PRRC2C: variants seen among roughly 807,000 people sequenced by gnomAD.
PRRC2C encodes the protein proline rich coiled-coil 2C.
Under a neutral mutation model 317.2 loss-of-function variants are expected in PRRC2C, and 72 were observed. The observed-to-expected ratio is 0.23, with a 90% CI of 0.19 to 0.28. The LOEUF (loss-of-function observed/expected upper bound fraction) is 0.28, where lower values mean the gene tolerates loss of function less well. Ranked by LOEUF, PRRC2C falls within the 10% of genes least tolerant of loss-of-function variation. The probability of loss-of-function intolerance (pLI) is 1.00; values close to 1 mark genes in which losing one functional copy is unlikely to be tolerated. For missense variants in PRRC2C, 3,074 were observed against 3,459.7 expected (o/e 0.89, Z 2.80); for synonymous variants, 1,296 against 1,205.9 (o/e 1.07, Z -1.55).
intron 28 of PRRC2C, among the ~76,000 whole-genome samples, chr1:171,582,252 A>C (rs1490277860): frequency 6.6e-6 from 1 of 152,226 alleles, no homozygotes; most frequent in East Asian, 1.9e-4. Context: ...AAAGAGAATT[A>C]TTCTCACTGT....
At chr1:171,565,846 A>G (rs1020409378) in intron 20 of PRRC2C, among the ~76,000 whole-genome samples, 1 of 152,226 alleles carries the variant, frequency 6.6e-6, no homozygotes, top group African/African-American at 2.4e-5. Flanking sequence ...TTTTCAAAGC[A>G]GACTTCTGAG....
chr1:171,544,691 A>G (rs1173051381), intron 16 of PRRC2C, among the ~76,000 whole-genome samples: 2 of 152,230 alleles, frequency 1.3e-5, no homozygotes, highest in Non-Finnish European at 2.9e-5. Flanking sequence ...ACATAGATAG[A>G]TAACAACAAC....
intron 9 of PRRC2C, 35 bp from the exon 10 acceptor site, chr1:171,524,786 G>T (rs1188889946): frequency 2.6e-6 from 4 of 1,512,308 alleles, no homozygotes; most frequent in Non-Finnish European, 1.8e-6. Flanking sequence ...GATACAGTTG[G>T]TCCACTTTAT....
At chr1:171,528,380 C>T (rs190513442) in intron 11 of PRRC2C, among the ~76,000 whole-genome samples, 3 of 151,772 alleles carry the variant, frequency 2.0e-5, no homozygotes, top group Admixed American at 6.6e-5. Flanking sequence ...CCTCTGCCTC[C>T]TGGGTTCACA....
At position 171,535,507 on chromosome 1, in the gene PRRC2C, A is replaced by G; in HGVS notation, c.1953A>G (p.Pro651=). ...CACCAGTGGTGCATGAAACAGAACCAGAATCAGGGTCTCAACCTCGGCCGG... is the reference window on the plus strand; with the variant it reads ...CACCAGTGGTGCATGAAACAGAACCGGAATCAGGGTCTCAACCTCGGCCGG... ...EATPVVHETE[P]ESGSQPRPAV... is the part of the protein sequence containing the mutation. The change falls in exon 13 of 35, where the codon CCA becomes CCG. Residue 651 remains proline, a synonymous_variant. Coordinates refer to ENST00000647382, the MANE Select transcript of PRRC2C (RefSeq NM_001387844.1). 6.2e-7 allele frequency: 1 copy of G among 1,614,034 alleles called. No individual in the cohort carries two copies. Among genetic ancestry groups the G allele is most frequent in the Non-Finnish European group, 8.5e-7 (1 of 1,179,878 alleles).
At chr1:171,586,545 ATTTTATTTTATTTT>A (rs1650046880) in intron 30 of PRRC2C, among the ~76,000 whole-genome samples, 1 of 52,188 alleles carries the variant, frequency 1.9e-5, no homozygotes, top group South Asian at 6.1e-4. Flanking sequence ...TGTTCTATGT[ATTTTATTTTATTTT>A]ATTTTATTTT....
intron 34 of PRRC2C, among the ~76,000 whole-genome samples, chr1:171,590,404 T>C (rs907833479): frequency 2.0e-5 from 3 of 152,234 alleles, no homozygotes; most frequent in Non-Finnish European, 4.4e-5. Flanking sequence ...ATATTTACTT[T>C]AGGCTTGACT....
rs751063325 is a variant in PRRC2C at position 171,517,799 on chromosome 1, TATG to T, written c.739_741del (p.Met247del). 92 of 1,612,820 alleles carry T rather than the reference TATG, an allele frequency of 5.7e-5. No individual in the cohort carries two copies. The highest frequency in any genetic ancestry group is 7.5e-5 in the Non-Finnish European group (89 of 1,179,702). On this transcript the variant is annotated inframe_deletion, in exon 6 of 35. Transcript: ENST00000647382. ...CTGCTCTCGCTTCCCAGTATAGAGC[TATG>T]ATGCCTCCTTATGTGAGTATTGTTA...
intron 25 of PRRC2C, among the ~76,000 whole-genome samples, chr1:171,576,045 C>T (rs150265981): frequency 0.011 from 1,642 of 152,224 alleles, 34 homozygotes; most frequent in African/African-American, 0.032. Context: ...CACAAACTCC[C>T]GAGATTCTAC....
intron 26 of PRRC2C, 72 bp downstream of exon 26, chr1:171,577,709 T>TTA: frequency 7.4e-7 from 1 of 1,359,516 alleles, no homozygotes; most frequent in South Asian, 1.2e-5. Flanking sequence ...TTTTGTCTCT[T>TTA]CTTACCCTTT....
Position 171,575,010 on chromosome 1 carries a change from T to A in PRRC2C, c.6837T>A (p.Ile2279=), listed in dbSNP as rs1685451396. The change falls in exon 25 of 35, where the codon ATT becomes ATA. Residue 2279 remains isoleucine, a synonymous_variant. Transcript: ENST00000647382. The stretch of plus-strand genomic sequence containing the variant: ...CAGTAACTTCCACAGCACCTCCAAT[T>A]GCAACTGGAGTCAGCAGTAGTGCCA... ...GSPVTSTAPP[I]ATGVSSSASG... is the part of the protein sequence containing the mutation. 1.2e-6 allele frequency: 2 copies of A among 1,613,756 alleles called. No homozygotes were observed. Among genetic ancestry groups the A allele is most frequent in the Non-Finnish European group, 1.7e-6 (2 of 1,179,854 alleles).
chr1:171,512,049 G>T lies in PRRC2C; in HGVS notation c.-40G>T. Reference sequence around the variant, plus strand: ...ATCTTAAGGACTGGGGTTTTAAGGGGTGTGGCAGGAGGTTTTGGACTCGAT... The same window carrying T: ...ATCTTAAGGACTGGGGTTTTAAGGGTTGTGGCAGGAGGTTTTGGACTCGAT... On this transcript the variant is annotated 5_prime_UTR_variant, in exon 2 of 35. Coordinates refer to ENST00000647382, the MANE Select transcript of PRRC2C (RefSeq NM_001387844.1). The T allele has an allele frequency of 8.4e-7, 1 of 1,187,610 alleles. No homozygotes were observed. Among genetic ancestry groups the T allele is most frequent in the Non-Finnish European group, 1.2e-6 (1 of 829,570 alleles). The allele number at this position is 1,187,610 out of a possible 1,614,324, so 73.6% of individuals were successfully genotyped here.
intron 18 of PRRC2C, among the ~76,000 whole-genome samples, chr1:171,552,362 G>T (rs576168128): frequency 1.1e-4 from 16 of 152,270 alleles, no homozygotes; most frequent in Middle Eastern, 3.4e-3. Context: ...GAGATTTTGG[G>T]CTGAGACGAT....
Position 171,487,172 on chromosome 1 carries a change from AT to A in PRRC2C, c.-58+1447del, listed in dbSNP as rs547600689. Among the ~76,000 whole-genome samples the A allele has an allele frequency of 4.6e-3, 686 of 148,216 alleles. 1 individual carries two copies. The highest frequency in any genetic ancestry group is 8.7e-3 in the African/African-American group (350 of 40,406). On this transcript the variant is annotated intron_variant, in intron 1 of 34. Coordinates refer to ENST00000647382, the MANE Select transcript of PRRC2C (RefSeq NM_001387844.1). Reference sequence around the variant, plus strand: ...GCACAGTAATAAGTCCTTTTCATACATTTTTTTTTTAATCTCCACAACAGAC... The same window carrying A: ...GCACAGTAATAAGTCCTTTTCATACATTTTTTTTTAATCTCCACAACAGAC...
At chr1:171,525,027 A>G (rs1674312682) in intron 10 of PRRC2C, 62 bp downstream of exon 10, 1 of 1,316,644 alleles carries the variant, frequency 7.6e-7, no homozygotes, top group South Asian at 1.6e-5. Flanking sequence ...ATTACTGTGT[A>G]ATACTATGGA....
chr1:171,495,077 G>C (rs185283006), intron 1 of PRRC2C, among the ~76,000 whole-genome samples: 1 of 152,100 alleles, frequency 6.6e-6, no homozygotes, highest in Non-Finnish European at 1.5e-5. Flanking sequence ...GCATTCAGTC[G>C]TTTGTTAATG....
chr1:171,542,651 C>T (rs578126074), intron 16 of PRRC2C, among the ~76,000 whole-genome samples: 5 of 152,224 alleles, frequency 3.3e-5, no homozygotes, highest in Admixed American at 6.5e-5. Flanking sequence ...TAGAGAGAGG[C>T]CCAGAAAACA....
intron 20 of PRRC2C, among the ~76,000 whole-genome samples, chr1:171,563,055 A>G (rs1682993263): frequency 6.6e-6 from 1 of 152,194 alleles, no homozygotes; most frequent in African/African-American, 2.4e-5. Context: ...TGTTCAATTG[A>G]TAGAGTTACA....
At position 171,541,558 on chromosome 1, in the gene PRRC2C, T is replaced by C; in HGVS notation, c.4092T>C (p.Pro1364=). 1 of 1,613,784 alleles carries C rather than the reference T, an allele frequency of 6.2e-7. No homozygotes were observed. Among genetic ancestry groups the C allele is most frequent in the Non-Finnish European group, 8.5e-7 (1 of 1,179,832 alleles). ...GRDPGGRPSR[P]STLRRPAYRD... is the part of the protein sequence containing the mutation. ...ATCCTGGAGGCCGTCCATCACGCCC[T>C]TCCACTTTACGAAGACCAGCTTATC... The change falls in exon 16 of 35, where the codon CCT becomes CCC. Residue 1364 remains proline (P), a synonymous_variant. Transcript: ENST00000647382. This position sits in a 1 kb window ranked among gnomAD's most constrained non-coding sequence, Gnocchi z 4.1.
Sources: gnomAD v4.1 joint callset for allele counts (sites outside exome capture counted in the v4.1 genomes callset) on GRCh38, gnomAD v4.1.1 for gene constraint, Gnocchi (gnomAD v3.1) non-coding constraint, MANE v1.5 for transcripts, NCBI Gene and HGNC (gene_info 2026-07-23, HGNC 2026-07-21) for gene names.